The following AMBRA1 variants were observed in gnomAD, a reference collection of about 807,000 sequenced individuals.
The protein encoded by AMBRA1 is autophagy and beclin 1 regulator 1.
In AMBRA1, 47 loss-of-function variants were observed where a neutral mutation model predicts 125.4. That is an observed-to-expected ratio of 0.37 (90% CI 0.30 to 0.48). The LOEUF is 0.48. AMBRA1 is among the 20% of genes least tolerant of loss of function. AMBRA1 has a pLI of 0.99. For missense variants in AMBRA1, 1,331 were observed against 1,693.4 expected, an observed-to-expected ratio of 0.79 and a Z score of 3.76; for synonymous variants, 626 against 655.5, an observed-to-expected ratio of 0.95 and a Z score of 0.69.
chr11:46,459,934 G>T (rs915489223), intron 11 of AMBRA1, among the ~76,000 whole-genome samples: 1 of 152,168 alleles, frequency 6.6e-6, no homozygotes, highest in Non-Finnish European at 1.5e-5. Flanking sequence ...AGGAGCCTCA[G>T]GTTCCCTCTT....
At chr11:46,418,878 T>A (rs1021093152) in intron 14 of AMBRA1, among the ~76,000 whole-genome samples, 3 of 152,154 alleles carry the variant, frequency 2.0e-5, no homozygotes, top group African/African-American at 7.2e-5. Flanking sequence ...CAGGACGGAC[T>A]GCCCATAACT....
chr11:46,557,389 C>G (rs2043192193), intron 1 of AMBRA1, among the ~76,000 whole-genome samples: 1 of 151,922 alleles, frequency 6.6e-6, no homozygotes, highest in South Asian at 2.1e-4. Context: ...GCCACAAAGC[C>G]CTGTAAACAG....
chr11:46,549,758 A>G (rs1242137374), intron 1 of AMBRA1, among the ~76,000 whole-genome samples: 4 of 152,036 alleles, frequency 2.6e-5, no homozygotes, highest in Non-Finnish European at 5.9e-5. Flanking sequence ...TTTATCCTAG[A>G]ATGGCCTCCA....
chr11:46,528,805 A>G (rs79398446), intron 7 of AMBRA1, among the ~76,000 whole-genome samples: 6,702 of 152,278 alleles, frequency 0.044, 498 homozygotes, highest in African/African-American at 0.15. Flanking sequence ...AAAGGGTTAC[A>G]TGTGCCAACA....
chr11:46,461,111 T>C (rs1949073374), intron 11 of AMBRA1, among the ~76,000 whole-genome samples: 1 of 152,108 alleles, frequency 6.6e-6, no homozygotes, highest in Non-Finnish European at 1.5e-5. Context: ...AGCACGATGG[T>C]ACACGCCTAT....
At chr11:46,587,514 T>A (rs1330530359) in intron 1 of AMBRA1, among the ~76,000 whole-genome samples, 1 of 152,206 alleles carries the variant, frequency 6.6e-6, no homozygotes. Flanking sequence ...GCAATCAATC[T>A]TAAATGAAGA....
chr11:46,428,008 CAAA>C (rs57618324), intron 14 of AMBRA1, among the ~76,000 whole-genome samples: 7 of 63,372 alleles, frequency 1.1e-4, no homozygotes, highest in South Asian at 5.7e-4. Flanking sequence ...GACTCCATGT[CAAA>C]AAAAAAAAAA....
chr11:46,408,851 T>G (rs1269948688), intron 16 of AMBRA1, 145 bp from the exon 17 acceptor site: 4 of 655,898 alleles, frequency 6.1e-6, no homozygotes, highest in Non-Finnish European at 6.9e-6. Flanking sequence ...CAACTACATC[T>G]TGATGGTGGT....
chr11:46,484,990 T>G (rs1025670483), intron 11 of AMBRA1, among the ~76,000 whole-genome samples: 1 of 149,450 alleles, frequency 6.7e-6, no homozygotes, highest in African/African-American at 2.5e-5. Flanking sequence ...CAGGCTGGAG[T>G]GCAATGGCGC....
At chr11:46,464,840 T>G (rs558672561) in intron 11 of AMBRA1, among the ~76,000 whole-genome samples, 1 of 148,204 alleles carries the variant, frequency 6.7e-6, no homozygotes, top group Non-Finnish European at 1.5e-5. Flanking sequence ...AGGTCAAGAG[T>G]TTGAGACCAT....
At chr11:46,586,239 C>A (rs937816996) in intron 1 of AMBRA1, among the ~76,000 whole-genome samples, 11 of 152,102 alleles carry the variant, frequency 7.2e-5, no homozygotes, top group African/African-American at 2.4e-4. Flanking sequence ...AACTCTGACT[C>A]TACTAAAAGA....
intron 7 of AMBRA1, among the ~76,000 whole-genome samples, chr11:46,517,146 C>CTTT (rs369058163): frequency 2.1e-4 from 26 of 122,012 alleles, no homozygotes; most frequent in Middle Eastern, 4.0e-3. Flanking sequence ...TACTCAAAAG[C>CTTT]TTTTTTTTTT....
chr11:46,504,444 A>G (rs1274650013), intron 9 of AMBRA1: 2 of 152,214 alleles, frequency 1.3e-5, no homozygotes, highest in Non-Finnish European at 2.9e-5. Flanking sequence ...TGGGCTTGAA[A>G]GCAGACAGAC....
At chr11:46,415,244 A>G (rs773746262) in intron 15 of AMBRA1, among the ~76,000 whole-genome samples, 8 of 152,208 alleles carry the variant, frequency 5.3e-5, no homozygotes, top group Non-Finnish European at 1.0e-4. Flanking sequence ...AGACCGCTCA[A>G]AAGACATGAA....
intron 1 of AMBRA1, among the ~76,000 whole-genome samples, chr11:46,590,934 C>G (rs957942359): frequency 1.3e-5 from 2 of 149,082 alleles, no homozygotes; most frequent in Non-Finnish European, 3.0e-5. Flanking sequence ...AAAAGAAAAA[C>G]AAAAAGAAAA....
intron 15 of AMBRA1, among the ~76,000 whole-genome samples, chr11:46,411,401 G>A (rs1009978848): frequency 6.6e-6 from 1 of 151,764 alleles, no homozygotes; most frequent in African/African-American, 2.4e-5. Flanking sequence ...GTCCCAGGAG[G>A]TCCCAGGAGG....
At chr11:46,409,208 T>G (rs1017574419) in intron 16 of AMBRA1, among the ~76,000 whole-genome samples, 4 of 151,730 alleles carry the variant, frequency 2.6e-5, no homozygotes, top group Non-Finnish European at 5.9e-5. Flanking sequence ...GAACTGGAAC[T>G]CTTTTTTTTT....
At chr11:46,464,680 A>G (rs2136850063) in intron 11 of AMBRA1, among the ~76,000 whole-genome samples, 1 of 152,192 alleles carries the variant, frequency 6.6e-6, no homozygotes, top group East Asian at 1.9e-4. Flanking sequence ...CTTCCTGGAG[A>G]TTGCAAACAA....
chr11:46,585,101 T>C (rs557240277), intron 1 of AMBRA1, among the ~76,000 whole-genome samples: 3 of 152,076 alleles, frequency 2.0e-5, no homozygotes, highest in Non-Finnish European at 4.4e-5. Context: ...CAGGGTTAAA[T>C]GGATTAAGGG....
Sources: gnomAD v4.1 joint callset for allele counts (sites outside exome capture counted in the v4.1 genomes callset) on GRCh38, gnomAD v4.1.1 for gene constraint, MANE v1.5 for transcripts, NCBI Gene and HGNC (gene_info 2026-07-23, HGNC 2026-07-21) for gene names.